The following GLP2R variants were observed in gnomAD, a reference collection of about 807,000 sequenced individuals.
GLP2R encodes glucagon like peptide 2 receptor.
In GLP2R, 59 loss-of-function variants were observed where a neutral mutation model predicts 68.2. The observed-to-expected ratio is 0.87, with a 90% confidence interval of 0.70 to 1.07. GLP2R has a LOEUF of 1.07. GLP2R is among the 50% of genes least tolerant of loss of function. GLP2R has a pLI of 0.00. For synonymous variants in GLP2R, 270 were observed against 265.4 expected, an observed-to-expected ratio of 1.02 and a Z score of -0.17; for missense variants, 548 against 677.4, an observed-to-expected ratio of 0.81 and a Z score of 2.12.
chr17:9,883,026 T>C (rs1236835554), intron 11 of GLP2R, among the ~76,000 whole-genome samples: 1 of 145,820 alleles, frequency 6.9e-6, no homozygotes, highest in African/African-American at 2.5e-5. Context: ...AGAAACTTTC[T>C]GGGTGGGATA....
chr17:9,878,796 C>G (rs2067163669), intron 10 of GLP2R, among the ~76,000 whole-genome samples: 1 of 152,170 alleles, frequency 6.6e-6, no homozygotes, highest in Non-Finnish European at 1.5e-5. Flanking sequence ...AGCTCTTGTT[C>G]TCGTACAGAG....
At chr17:9,827,921 A>G (rs2066646801) in intron 1 of GLP2R, among the ~76,000 whole-genome samples, 1 of 142,926 alleles carries the variant, frequency 7.0e-6, no homozygotes, top group African/African-American at 2.7e-5. Context: ...AGATCACGCC[A>G]TTGCACTCCA....
intron 4 of GLP2R, among the ~76,000 whole-genome samples, chr17:9,847,407 C>T (rs1461290916): frequency 1.3e-5 from 2 of 151,958 alleles, no homozygotes; most frequent in South Asian, 2.1e-4. Flanking sequence ...GTAGCTGGGA[C>T]TACAGGGGCA....
chr17:9,875,880 CA>C (rs1330511617), intron 10 of GLP2R, among the ~76,000 whole-genome samples: 7 of 152,136 alleles, frequency 4.6e-5, no homozygotes, highest in Admixed American at 3.3e-4. Context: ...ATTTCATTTT[CA>C]TTTTTATTTT....
At chr17:9,869,863 C>T (rs1434449630) in intron 9 of GLP2R, among the ~76,000 whole-genome samples, 1 of 152,184 alleles carries the variant, frequency 6.6e-6, no homozygotes, top group Non-Finnish European at 1.5e-5. Context: ...AAATCTAGCT[C>T]ACCTCACAAG....
rs71139004 is a variant in GLP2R, at chr17:9,844,668, C to CT, written c.504+2090dup. On this transcript the variant is annotated intron_variant, in intron 4 of 12. Coordinates refer to ENST00000262441, the MANE Select transcript of GLP2R (RefSeq NM_004246.3). ...ATTCTCAATATTTTACTACCTAATT[C>CT]TTTTTTTTTTTTTTTTTTTTTTTTT... 5.6e-3 allele frequency among the ~76,000 whole-genome samples: 249 copies of CT among 44,296 alleles called. 82 individuals carry two copies. Among genetic ancestry groups the CT allele is most frequent in the Non-Finnish European group, 7.0e-3 (149 of 21,396 alleles). The allele number at this position is 44,296 out of a possible 152,430, so 29.1% of individuals were successfully genotyped here.
intron 5 of GLP2R, 44 bp from the exon 6 acceptor site, chr17:9,857,378 GC>G: frequency 1.3e-6 from 2 of 1,596,250 alleles, no homozygotes; most frequent in Non-Finnish European, 1.7e-6. Context: ...GTTGGTTGGA[GC>G]CATTCTTTCC....
At chr17:9,849,804 A>G (rs1001922218) in intron 4 of GLP2R, among the ~76,000 whole-genome samples, 6 of 151,754 alleles carry the variant, frequency 4.0e-5, no homozygotes, top group Non-Finnish European at 7.4e-5. Context: ...TAGTAGAGAC[A>G]GTGTTTCACC....
chr17:9,878,777 T>G (rs2067163456), intron 10 of GLP2R, among the ~76,000 whole-genome samples: 1 of 152,170 alleles, frequency 6.6e-6, no homozygotes, highest in South Asian at 2.1e-4. Context: ...AGACATAGGA[T>G]TCATAGTAAG....
intron 1 of GLP2R, among the ~76,000 whole-genome samples, chr17:9,826,480 G>C (rs1448883540): frequency 6.6e-6 from 1 of 151,848 alleles, no homozygotes; most frequent in African/African-American, 2.4e-5. Flanking sequence ...GCTGATATTA[G>C]GAAGCATAAA....
intron 2 of GLP2R, 140 bp from the exon 3 acceptor site, chr17:9,836,231 G>T: frequency 1.6e-6 from 1 of 637,046 alleles, no homozygotes; most frequent in East Asian, 2.7e-5. Context: ...TCTAGAGAGT[G>T]GGGCACCCAT....
chr17:9,864,511 TTTGTTTTGTTTTTTG>T (rs2067017093), intron 9 of GLP2R, among the ~76,000 whole-genome samples: 1 of 143,462 alleles, frequency 7.0e-6, no homozygotes, highest in African/African-American at 2.5e-5. Context: ...TGTTTGTTTG[TTTGTTTTGTTTTTTG>T]TTTTTTGTTT....
At position 9,861,097 on chromosome 17, in the gene GLP2R, C is replaced by G. The variant is rs771719393; in HGVS notation, c.926-42C>G. 9 of 1,539,048 alleles carry G rather than the reference C, an allele frequency of 5.8e-6. No individual in the cohort carries two copies. The South Asian group carries it at 1.0e-4, about 17-fold the overall frequency. ...TGTGGTGGGAGGCAAGCAGGTTTGG[C>G]CAACCAACTCCTAACTACATTTCCC... is the stretch of plus-strand genomic sequence containing the variant. On this transcript the variant is annotated intron_variant, in intron 7 of 12. Transcript: ENST00000262441.
intron 4 of GLP2R, among the ~76,000 whole-genome samples, chr17:9,848,006 A>G (rs2066857331): frequency 6.6e-6 from 1 of 152,204 alleles, no homozygotes; most frequent in African/African-American, 2.4e-5. Flanking sequence ...AGACGTGAAG[A>G]ACCTTCAACT....
rs2067288774 is a variant in GLP2R, at chr17:9,891,300, AATC to A, written c.*1597_*1599del. ...CACAGGGCTGGGACTAGGGTGAAATAATCAAGGCACTCATCTCTAAAAAGCTCA... is the reference window on the plus strand; with the variant it reads ...CACAGGGCTGGGACTAGGGTGAAATAAAGGCACTCATCTCTAAAAAGCTCA... On this transcript the variant is annotated 3_prime_UTR_variant, in exon 13 of 13. Coordinates refer to ENST00000262441, the MANE Select transcript of GLP2R (RefSeq NM_004246.3). 1 of 152,228 alleles carries A rather than the reference AATC, an allele frequency of 6.6e-6. No individual in the cohort carries two copies. The highest frequency in any genetic ancestry group is 2.4e-5 in the African/African-American group (1 of 41,472). The allele number at this position is 152,228 out of a possible 1,614,324, so 9.4% of individuals were successfully genotyped here. A position where few individuals can be genotyped will look rare whatever the true frequency, so the allele number is the denominator to read the frequency against.
chr17:9,869,452 C>T (rs2067071590), intron 9 of GLP2R, among the ~76,000 whole-genome samples: 1 of 152,240 alleles, frequency 6.6e-6, no homozygotes, highest in Non-Finnish European at 1.5e-5. Context: ...TTCTCATTCT[C>T]CAAGCTCTAC....
chr17:9,883,637 G>T (rs369991439), intron 11 of GLP2R, among the ~76,000 whole-genome samples: 1 of 152,254 alleles, frequency 6.6e-6, no homozygotes, highest in East Asian at 1.9e-4. Context: ...TACATGTAGG[G>T]ACCAATGATA....
rs1433126215 is a variant in GLP2R, at chr17:9,880,404, T to C, written c.1172T>C (p.Ile391Thr). The C allele has an allele frequency of 5.0e-6, 8 of 1,602,188 alleles. No homozygotes were observed. Among genetic ancestry groups the C allele is most frequent in the Admixed American group, 1.7e-5 (1 of 59,140 alleles). ...YRLAKSTLVLIPLLGVHEILF... is the reference protein window; with the variant it reads ...YRLAKSTLVLTPLLGVHEILF... ...TTGGCAAAATCAACACTGGTCCTCA[T>C]TCCTTTATTGGGCGTTCATGAGATC... is the stretch of plus-strand genomic sequence containing the variant. The change falls in exon 11 of 13, where the codon ATT becomes ACT. Residue 391 changes from isoleucine (I) to threonine (T), a missense_variant. Ile to Thr is a moderately conservative substitution (Grantham distance 89). Coordinates refer to ENST00000262441, the MANE Select transcript of GLP2R (RefSeq NM_004246.3).
chr17:9,839,396 T>TTCCTTCCCCTCCTCC (rs1567719624), intron 3 of GLP2R, among the ~76,000 whole-genome samples: 1 of 151,856 alleles, frequency 6.6e-6, no homozygotes, highest in Non-Finnish European at 1.5e-5. Flanking sequence ...CAAACTCCTC[T>TTCCTTCCCCTCCTCC]TCCTTCTCCT....
Sources: gnomAD v4.1 joint callset for allele counts (sites outside exome capture counted in the v4.1 genomes callset) on GRCh38, gnomAD v4.1.1 for gene constraint, MANE v1.5 for transcripts, NCBI Gene and HGNC (gene_info 2026-07-23, HGNC 2026-07-21) for gene names.